Variants in NOVA1 observed in about 807,000 individuals in gnomAD.
NOVA1 encodes RNA-binding protein Nova-1.
In NOVA1, 7 loss-of-function variants were observed where a neutral mutation model predicts 38.0. The observed-to-expected ratio is 0.18, with a 90% CI of 0.10 to 0.35. NOVA1 has a LOEUF of 0.35. Among genes scored for constraint, NOVA1 ranks in the 10% least tolerant of loss-of-function variants. The pLI, the probability that NOVA1 is intolerant of heterozygous loss-of-function variation, is 1.00. For synonymous variants in NOVA1, 270 were observed against 232.5 expected (o/e 1.16, Z -1.47); for missense variants, 460 against 616.0 (o/e 0.75, Z 2.68).
rs200807619 is a variant in NOVA1 at position 26,449,014 on chromosome 14, C to T, written c.520-51G>A. 388 of 1,460,664 alleles carry T rather than the reference C, an allele frequency of 2.7e-4. 1 individual carries two copies. The highest frequency in any genetic ancestry group is 1.1e-3 in the Middle Eastern group (6 of 5,528). 90.5% of individuals were successfully genotyped at this position (1,460,664 alleles called of 1,614,324 possible). A position where few individuals can be genotyped will look rare whatever the true frequency, so the allele number is the denominator to read the frequency against. ...ATAATACTTCTGTTTTGTGCATATACATTATATTACTTTGCTATCCTAGAA... is the reference window on the plus strand; with the variant it reads ...ATAATACTTCTGTTTTGTGCATATATATTATATTACTTTGCTATCCTAGAA... On this transcript the variant is annotated intron_variant, in intron 4 of 4. Coordinates refer to ENST00000539517, the MANE Select transcript of NOVA1 (RefSeq NM_002515.3).
Position 26,467,360 on chromosome 14 carries a change from T to C in NOVA1, c.519+4960A>G, listed in dbSNP as rs751203165. ...ACTGGAATTAGCAAAGTGCTCATCA[T>C]TGATGTCCTTGGCAAAGAGTTTTGG... On this transcript the variant is annotated intron_variant, in intron 4 of 4. Transcript: ENST00000539517. Among the ~76,000 whole-genome samples the C allele has an allele frequency of 1.1e-4, 17 of 152,190 alleles. 1 individual carries two copies. Among genetic ancestry groups the C allele is most frequent in the Non-Finnish European group, 1.9e-4 (13 of 68,028 alleles).
chr14:26,583,920 CATAT>C (rs1328089855), intron 2 of NOVA1, among the ~76,000 whole-genome samples: 2 of 135,922 alleles, frequency 1.5e-5, no homozygotes, highest in Non-Finnish European at 3.3e-5. Flanking sequence ...CACACACACA[CATAT>C]ATTGTATAAA....
intron 2 of NOVA1, among the ~76,000 whole-genome samples, chr14:26,541,378 T>C (rs1388692553): frequency 6.6e-6 from 1 of 151,694 alleles, no homozygotes; most frequent in Non-Finnish European, 1.5e-5. Flanking sequence ...TCACTTACTT[T>C]TTAACTGGAC....
chr14:26,523,997 C>A (rs1469731364), intron 2 of NOVA1, among the ~76,000 whole-genome samples: 3 of 152,020 alleles, frequency 2.0e-5, no homozygotes, highest in Non-Finnish European at 4.4e-5. Context: ...GTGATCTGCC[C>A]GCCTTGGCCT....
intron 2 of NOVA1, 80 bp from the exon 3 acceptor site, chr14:26,480,223 G>T: frequency 1.6e-6 from 2 of 1,257,592 alleles, no homozygotes; most frequent in South Asian, 1.5e-5. Flanking sequence ...ATATCATAAC[G>T]CCAAAAAAAT....
At chr14:26,525,871 T>A (rs1371531289) in intron 2 of NOVA1, among the ~76,000 whole-genome samples, 1 of 152,082 alleles carries the variant, frequency 6.6e-6, no homozygotes, top group Non-Finnish European at 1.5e-5. Context: ...TTGAGGGGCG[T>A]CAGGGATCAT....
At chr14:26,592,978 T>G (rs1187799070) in intron 2 of NOVA1, 1 of 151,674 alleles carries the variant, frequency 6.6e-6, no homozygotes, top group African/African-American at 2.4e-5. Flanking sequence ...AGTAGACTTT[T>G]CCCCAAATAT....
intron 4 of NOVA1, among the ~76,000 whole-genome samples, chr14:26,459,107 C>T (rs1190184124): frequency 6.6e-6 from 1 of 152,020 alleles, no homozygotes; most frequent in African/African-American, 2.4e-5. Flanking sequence ...CACTGACTCA[C>T]CCAGAGCAAT....
chr14:26,537,983 A>G (rs921840930), intron 2 of NOVA1, among the ~76,000 whole-genome samples: 1 of 152,168 alleles, frequency 6.6e-6, no homozygotes, highest in Non-Finnish European at 1.5e-5. Context: ...AGAAATGGAG[A>G]ACAAGTGCAA....
chr14:26,509,766 TGCCTCCTGG>T (rs1201680038), intron 2 of NOVA1, among the ~76,000 whole-genome samples: 1 of 152,146 alleles, frequency 6.6e-6, no homozygotes, highest in Non-Finnish European at 1.5e-5. Context: ...CTGCAACCTC[TGCCTCCTGG>T]GTTCAAGTGA....
intron 3 of NOVA1, among the ~76,000 whole-genome samples, chr14:26,477,617 G>A (rs897200556): frequency 2.0e-5 from 3 of 151,902 alleles, no homozygotes; most frequent in African/African-American, 7.2e-5. Flanking sequence ...CATACAAAAT[G>A]TATTTTAATC....
intron 2 of NOVA1, among the ~76,000 whole-genome samples, chr14:26,535,772 G>A (rs770636109): frequency 2.0e-5 from 3 of 151,636 alleles, no homozygotes; most frequent in South Asian, 2.1e-4. Flanking sequence ...CCTGGTTAAC[G>A]CGGTGAAAAC....
chr14:26,536,564 T>C (rs921807695), intron 2 of NOVA1, among the ~76,000 whole-genome samples: 1 of 151,844 alleles, frequency 6.6e-6, no homozygotes, highest in African/African-American at 2.4e-5. Flanking sequence ...TAGATTACTA[T>C]TTGGAAAAAA....
chr14:26,557,221 A>G (rs1566535347), intron 2 of NOVA1, among the ~76,000 whole-genome samples: 1 of 152,190 alleles, frequency 6.6e-6, no homozygotes, highest in African/African-American at 2.4e-5. Context: ...GGGACATAGT[A>G]TCTCCTTAGG....
intron 2 of NOVA1, among the ~76,000 whole-genome samples, chr14:26,504,771 G>GT (rs143741226): frequency 0.049 from 3,935 of 80,748 alleles, 72 homozygotes; most frequent in Non-Finnish European, 0.11. Flanking sequence ...ACAAACGACA[G>GT]TAAGTTAAAA....
At chr14:26,551,708 A>T (rs1891170279) in intron 2 of NOVA1, among the ~76,000 whole-genome samples, 1 of 152,022 alleles carries the variant, frequency 6.6e-6, no homozygotes, top group Admixed American at 6.5e-5. Flanking sequence ...AACAGTATAC[A>T]AACAAAAAAT....
At chr14:26,596,569 T>C (rs1466983477) in intron 1 of NOVA1, 4 of 1,289,134 alleles carry the variant, frequency 3.1e-6, no homozygotes, top group Non-Finnish European at 4.0e-6. Flanking sequence ...GGAGATAAAT[T>C]CACCTCTGCT....
chr14:26,578,644 G>A (rs1761323038), intron 2 of NOVA1, among the ~76,000 whole-genome samples: 1 of 152,150 alleles, frequency 6.6e-6, no homozygotes, highest in African/African-American at 2.4e-5. Flanking sequence ...TAGAAAATAA[G>A]ATCATCAAGG....
intron 3 of NOVA1, among the ~76,000 whole-genome samples, chr14:26,477,724 T>G (rs1429994206): frequency 4.6e-5 from 7 of 152,060 alleles, no homozygotes; most frequent in African/African-American, 1.7e-4. Context: ...ATTTATATAT[T>G]TATTATTTAG....
Sources: allele counts gnomAD v4.1 joint callset (sites outside exome capture counted in the v4.1 genomes callset), GRCh38; gene constraint gnomAD v4.1.1; transcripts MANE v1.5; gene names NCBI Gene and HGNC (gene_info 2026-07-23, HGNC 2026-07-21).